OGFOD2: variants seen among roughly 807,000 people sequenced by gnomAD.
OGFOD2 encodes 2-oxoglutarate and iron-dependent oxygenase domain-containing protein 2.
Under a neutral mutation model 31.1 loss-of-function variants are expected in OGFOD2, and 34 were observed. That is an observed-to-expected ratio of 1.09 (90% CI 0.83 to 1.45). The LOEUF (loss-of-function observed/expected upper bound fraction) is 1.45. Ranked by LOEUF, OGFOD2 falls within the 40% of genes most tolerant of loss-of-function variation. OGFOD2 has a pLI of 0.00. For synonymous variants in OGFOD2, 240 were observed against 192.3 expected, an observed-to-expected ratio of 1.25 and a Z score of -2.05; for missense variants, 537 against 433.9, an observed-to-expected ratio of 1.24 and a Z score of -2.11.
At chr12:122,979,352 C>G in exon 7 of OGFOD2, 1 of 1,592,498 alleles carries the variant, frequency 6.3e-7, no homozygotes, top group Non-Finnish European at 8.6e-7. Flanking sequence ...CCTGAGCTTG[C>G]TTGGGCCCAG....
At chr12:122,979,294 A>T (rs1301090755) in exon 7 of OGFOD2, 1 of 1,612,760 alleles carries the variant, frequency 6.2e-7, no homozygotes, top group South Asian at 1.1e-5. Context: ...GGCTTCGGTG[A>T]TGGCTTCACC....
chr12:122,977,639 G>A (rs998887384), intron 4 of OGFOD2: 1 of 160,004 alleles, frequency 6.2e-6, no homozygotes, highest in Non-Finnish European at 1.4e-5. Flanking sequence ...CCTGTCACAG[G>A]GCCCGCACGT....
In OGFOD2 at chr12:122,976,148, T is replaced by G; in HGVS notation, c.189+281T>G. The G allele has an allele frequency of 5.0e-6, 3 of 594,976 alleles. No individual in the cohort carries two copies. In the South Asian group the frequency reaches 6.0e-5, roughly 12 times the overall value. 36.9% of individuals were successfully genotyped at this position (594,976 alleles called of 1,614,324 possible). A position where few individuals can be genotyped will look rare whatever the true frequency, so the allele number is the denominator to read the frequency against. ...TCATTTTGGATTGAGAAGCTGAGGC[T>G]TAAAGAGGGATCCCTTGCCCAAGCT... is the stretch of plus-strand genomic sequence containing the variant. On this transcript the variant is annotated intron_variant, in intron 2 of 6. Coordinates refer to ENST00000228922, the Ensembl canonical transcript of OGFOD2.
chr12:122,974,911 CG>C (rs1278007590), upstream of OGFOD2: 3 of 205,454 alleles, frequency 1.5e-5, no homozygotes, highest in Admixed American at 5.7e-5. Context: ...GGGCAGACGG[CG>C]GGGGGTGGGT....
chr12:122,976,638 C>A lies in OGFOD2; in HGVS notation c.190-16C>A. The A allele has an allele frequency of 6.4e-7, 1 of 1,561,954 alleles. No homozygotes were observed. The highest frequency in any genetic ancestry group is 1.1e-5 in the South Asian group (1 of 90,032). ...GATGGGAGGCCCCACCTGGTAACAA[C>A]CCTGTGCCACCCCAGCTTGAGCAGG... On this transcript the variant is annotated splice_polypyrimidine_tract_variant and intron_variant, in intron 2 of 6. Transcript: ENST00000228922.
exon 7 of OGFOD2, chr12:122,979,921 C>A (rs2037564945): frequency 3.2e-6 from 1 of 315,632 alleles, no homozygotes; most frequent in Admixed American, 4.9e-5. Context: ...TCTGCCACTT[C>A]CAGCTGTGTG....
rs1258635296 is a variant in OGFOD2 at position 122,975,869 on chromosome 12, T to TACC, written c.189+4_189+6dup. ...GACTTCCAGCAGCTGTTAGCAGAGG[T>TACC]ACCAGTCCCCTGCCCCTGCACAGCT... On this transcript the variant is annotated splice_region_variant and intron_variant, in intron 2 of 6. Transcript: ENST00000228922. 1 of 702,812 alleles carries TACC rather than the reference T, an allele frequency of 1.4e-6. No individual in the cohort carries two copies. The highest frequency in any genetic ancestry group is 2.7e-5 in the East Asian group (1 of 37,278). 43.5% of individuals were successfully genotyped at this position (702,812 alleles called of 1,614,324 possible).
upstream of OGFOD2, chr12:122,974,929 T>G (rs2135949175): frequency 4.3e-6 from 1 of 230,436 alleles, no homozygotes; most frequent in Non-Finnish European, 8.5e-6. Context: ...GGGTCGGCGT[T>G]TAAGTCAAAG....
chr12:122,978,299 G>T (rs1166832556), intron 4 of OGFOD2, 143 bp from the exon 5 acceptor site: 3 of 1,030,784 alleles, frequency 2.9e-6, no homozygotes, highest in Non-Finnish European at 4.2e-6. Context: ...TGCTCCTCAT[G>T]TTACTTCCTT....
Position 122,976,768 on chromosome 12 carries a change from G to A in OGFOD2, c.303+1G>A. 1 of 1,611,104 alleles carries A rather than the reference G, an allele frequency of 6.2e-7. No homozygotes were observed. Among genetic ancestry groups the A allele is most frequent in the Non-Finnish European group, 8.5e-7 (1 of 1,177,694 alleles). Reference sequence around the variant, plus strand: ...GCCTGAGGTCTACGACTCACTGCAGGTACCAGCCAGCCAGAGTGCTTGAAG... The same window carrying A: ...GCCTGAGGTCTACGACTCACTGCAGATACCAGCCAGCCAGAGTGCTTGAAG... On this transcript the variant is annotated splice_donor_variant, in intron 3 of 6. Transcript: ENST00000228922. LOFTEE classifies it high-confidence loss of function.
At chr12:122,979,964 C>G (rs557564902) in exon 7 of OGFOD2, 15 of 376,018 alleles carry the variant, frequency 4.0e-5, no homozygotes. Context: ...TTGGTGCCTT[C>G]GTTTCCTCAT....
Position 122,979,077 on chromosome 12 carries a change from C to A in OGFOD2, c.790-6C>A. 1 of 1,597,056 alleles carries A rather than the reference C, an allele frequency of 6.3e-7. No individual in the cohort carries two copies. Among genetic ancestry groups the A allele is most frequent in the Non-Finnish European group, 8.6e-7 (1 of 1,168,892 alleles). Reference sequence around the variant, plus strand: ...AGTGCCCAGGCCTGAGTCGTGCCATCTGCAGGCACCCACAGCCCTGACGGA... The same window carrying A: ...AGTGCCCAGGCCTGAGTCGTGCCATATGCAGGCACCCACAGCCCTGACGGA... On this transcript the variant is annotated splice_polypyrimidine_tract_variant and splice_region_variant and intron_variant, in intron 6 of 6. Transcript: ENST00000228922.
chr12:122,974,986 G>A (rs138666389), upstream of OGFOD2: 96 of 330,670 alleles, frequency 2.9e-4, no homozygotes, highest in African/African-American at 1.9e-3. Flanking sequence ...GTGAAGGCAC[G>A]ACCCAGTTCA....
At chr12:122,976,955 C>G (rs772782806) in exon 4 of OGFOD2, 1 of 1,613,728 alleles carries the variant, frequency 6.2e-7, no homozygotes, top group Non-Finnish European at 8.5e-7. Context: ...TCTCCAGCGG[C>G]TGGAGACAGT....
intron 2 of OGFOD2, 124 bp from the exon 3 acceptor site, chr12:122,976,530 T>A: frequency 7.6e-7 from 1 of 1,312,838 alleles, no homozygotes; most frequent in Non-Finnish European, 1.1e-6. Context: ...GATTCAGGAG[T>A]GTAGGCTAGA....
At chr12:122,975,367 G>A (rs971310876) in exon 1 of OGFOD2, 43 of 700,310 alleles carry the variant, frequency 6.1e-5, no homozygotes, top group Non-Finnish European at 1.1e-4. Flanking sequence ...CAGCAGCTGC[G>A]CCGGGACTAC....
At chr12:122,978,692 A>G in intron 5 of OGFOD2, 61 bp from the exon 6 acceptor site, 2 of 1,587,602 alleles carry the variant, frequency 1.3e-6, no homozygotes, top group Non-Finnish European at 1.7e-6. Flanking sequence ...ATCACCGTGG[A>G]GTGGAAGCCC....
chr12:122,978,670 G>A, intron 5 of OGFOD2, 83 bp from the exon 6 acceptor site: 7 of 1,585,704 alleles, frequency 4.4e-6, no homozygotes, highest in Non-Finnish European at 6.0e-6. Context: ...TGCGAAAGAA[G>A]GTCACAGTGG....
chr12:122,975,476 C>T, intron 1 of OGFOD2, 93 bp downstream of exon 1: 1 of 599,946 alleles, frequency 1.7e-6, no homozygotes. Context: ...TTTGCGCACG[C>T]CGCGCACCGT....
Sources: allele counts gnomAD v4.1 joint callset, GRCh38; gene constraint gnomAD v4.1.1; transcripts MANE v1.5; gene names NCBI Gene and HGNC (gene_info 2026-07-23, HGNC 2026-07-21).